Variants in ZMYND8 observed in about 807,000 individuals in gnomAD.
ZMYND8 encodes zinc finger MYND-type containing 8.
A neutral mutation model predicts 140.8 loss-of-function variants in ZMYND8; 37 were observed. The ratio of observed to expected loss-of-function variants is 0.26; its 90% CI spans 0.20 to 0.35. The LOEUF is 0.35. Ranked by LOEUF, ZMYND8 falls within the 10% of genes least tolerant of loss-of-function variation. ZMYND8 has a pLI of 1.00. For synonymous variants in ZMYND8, 592 were observed against 597.1 expected, an observed-to-expected ratio of 0.99 and a Z score of 0.12; for missense variants, 1,068 against 1,570.0, an observed-to-expected ratio of 0.68 and a Z score of 5.40.
At chr20:47,268,735 A>ATG (rs1222955392) in intron 11 of ZMYND8, among the ~76,000 whole-genome samples, 2 of 150,284 alleles carry the variant, frequency 1.3e-5, no homozygotes, top group East Asian at 2.0e-4. Context: ...CCGAGATTAC[A>ATG]CCACTACACT....
chr20:47,351,820 T>G, intron 1 of ZMYND8: 1 of 985,414 alleles, frequency 1.0e-6, no homozygotes, highest in Non-Finnish European at 1.2e-6. Flanking sequence ...AGCAGTTTGT[T>G]CAATAGCTGT....
At chr20:47,337,732 T>C (rs1174383946) in intron 2 of ZMYND8, among the ~76,000 whole-genome samples, 2 of 152,118 alleles carry the variant, frequency 1.3e-5, no homozygotes, top group Admixed American at 6.6e-5. Flanking sequence ...TTCCCATTGA[T>C]GTAGGAGCAT....
At chr20:47,213,462 G>A (rs549879619) in intron 21 of ZMYND8, among the ~76,000 whole-genome samples, 1 of 152,230 alleles carries the variant, frequency 6.6e-6, no homozygotes, top group South Asian at 2.1e-4. Context: ...GAATGATATG[G>A]TCATAATCAT....
At chr20:47,271,826 C>T (rs550042697) in intron 11 of ZMYND8, among the ~76,000 whole-genome samples, 3 of 152,160 alleles carry the variant, frequency 2.0e-5, no homozygotes, top group African/African-American at 4.8e-5. Context: ...GGACTGCAGG[C>T]GTGTGCCACC....
At chr20:47,222,897 T>C (rs536489994) in intron 19 of ZMYND8, among the ~76,000 whole-genome samples, 1 of 152,390 alleles carries the variant, frequency 6.6e-6, no homozygotes, top group African/African-American at 2.4e-5. Flanking sequence ...ATATCATCTA[T>C]GTCCATCCAT....
Position 47,236,422 on chromosome 20 carries a change from C to T in ZMYND8, c.2760G>A (p.Gly920=), listed in dbSNP as rs777443087. Reference sequence around the variant, plus strand: ...CTGAGGACACAAGGGTGCTCATGGACCCCGAGCTGGTGACCAGGGGCGATG... The same window carrying T: ...CTGAGGACACAAGGGTGCTCATGGATCCCGAGCTGGTGACCAGGGGCGATG... The part of the protein sequence containing the change: ...TQSSPLVTSS[G]SMSTLVSSVN... The change falls in exon 16 of 23, where the codon GGG becomes GGA. Residue 920 remains glycine, a synonymous_variant. Transcript: ENST00000471951. 1 of 1,614,116 alleles carries T rather than the reference C, an allele frequency of 6.2e-7. No individual in the cohort carries two copies. The highest frequency in any genetic ancestry group is 8.5e-7 in the Non-Finnish European group (1 of 1,180,002).
intron 19 of ZMYND8, among the ~76,000 whole-genome samples, chr20:47,222,964 C>T (rs1568904251): frequency 6.6e-6 from 1 of 152,196 alleles, no homozygotes; most frequent in Non-Finnish European, 1.5e-5. Flanking sequence ...GTAGTAGCAA[C>T]AGAAACCACA....
intron 16 of ZMYND8, among the ~76,000 whole-genome samples, chr20:47,234,364 G>T (rs964829086): frequency 1.1e-4 from 17 of 152,208 alleles, no homozygotes; most frequent in Non-Finnish European, 1.8e-4. Context: ...TGCTGATTTT[G>T]ATGAAGCAAG....
At chr20:47,329,191 C>T (rs189721431) in intron 2 of ZMYND8, among the ~76,000 whole-genome samples, 6 of 152,286 alleles carry the variant, frequency 3.9e-5, no homozygotes, top group Admixed American at 1.3e-4. Context: ...GACATAGCTT[C>T]ACCTACAGCA....
intron 14 of ZMYND8, among the ~76,000 whole-genome samples, chr20:47,243,640 C>T: frequency 6.6e-6 from 1 of 152,164 alleles, no homozygotes; most frequent in East Asian, 1.9e-4. Flanking sequence ...TGCTATTCTA[C>T]CTTCATTTTC....
At chr20:47,269,026 C>A (rs1233803470) in intron 11 of ZMYND8, among the ~76,000 whole-genome samples, 2 of 151,994 alleles carry the variant, frequency 1.3e-5, no homozygotes, top group African/African-American at 4.8e-5. Context: ...CATGGCAAAA[C>A]CGCTCTCTAC....
chr20:47,313,854 G>C (rs1419858019), intron 2 of ZMYND8, among the ~76,000 whole-genome samples: 1 of 151,516 alleles, frequency 6.6e-6, no homozygotes, highest in East Asian at 1.9e-4. Flanking sequence ...AATCGATTGA[G>C]CCCAGGAGGC....
At chr20:47,222,680 C>T (rs146158594) in intron 19 of ZMYND8, among the ~76,000 whole-genome samples, 8 of 152,274 alleles carry the variant, frequency 5.3e-5, no homozygotes, top group East Asian at 3.9e-4. Context: ...CATTCCAGAA[C>T]GGAGGGAAAA....
chr20:47,227,144 G>T, intron 18 of ZMYND8, 59 bp downstream of exon 18: 14 of 1,560,098 alleles, frequency 9.0e-6, no homozygotes, highest in Non-Finnish European at 1.2e-5. Flanking sequence ...GACTCCAGAG[G>T]TGCAAAGAAG....
At chr20:47,226,537 T>C (rs1194356535) in intron 18 of ZMYND8, among the ~76,000 whole-genome samples, 1 of 152,172 alleles carries the variant, frequency 6.6e-6, no homozygotes, top group African/African-American at 2.4e-5. Context: ...TAGCATTCCA[T>C]GATGAACAGG....
intron 11 of ZMYND8, among the ~76,000 whole-genome samples, chr20:47,275,362 C>T (rs1247581022): frequency 1.3e-5 from 2 of 151,856 alleles, no homozygotes; most frequent in African/African-American, 2.4e-5. Flanking sequence ...CATAGTAGTG[C>T]GCGCACCTGT....
chr20:47,272,346 GGATTACAGACGT>G (rs1303114963), intron 11 of ZMYND8, among the ~76,000 whole-genome samples: 2 of 152,196 alleles, frequency 1.3e-5, no homozygotes, highest in Non-Finnish European at 2.9e-5. Flanking sequence ...CAAAGTGCTG[GGATTACAGACGT>G]GAACCACCGC....
At chr20:47,247,557 C>A (rs752978632) in intron 13 of ZMYND8, among the ~76,000 whole-genome samples, 2 of 152,210 alleles carry the variant, frequency 1.3e-5, no homozygotes, top group Admixed American at 1.3e-4. Context: ...ATTTACGGCT[C>A]CTGCCCCCAA....
intron 6 of ZMYND8, among the ~76,000 whole-genome samples, chr20:47,290,583 GTTTTTT>G (rs71183240): frequency 1.6e-5 from 1 of 64,084 alleles, no homozygotes; most frequent in African/African-American, 7.0e-5. Context: ...TATTTATTTA[GTTTTTT>G]TTTTTTTTTT....
Sources: allele counts gnomAD v4.1 joint callset (sites outside exome capture counted in the v4.1 genomes callset), GRCh38; gene constraint gnomAD v4.1.1; transcripts MANE v1.5; gene names NCBI Gene and HGNC (gene_info 2026-07-23, HGNC 2026-07-21).